The following CRISPLD1 variants were observed in gnomAD, a reference collection of about 807,000 sequenced individuals.
CRISPLD1 encodes cysteine-rich secretory protein LCCL domain-containing 1.
CRISPLD1 carries 60 observed loss-of-function variants against 77.5 expected under a neutral mutation model. The ratio of observed to expected loss-of-function variants is 0.77; its 90% confidence interval spans 0.63 to 0.96. CRISPLD1 has a LOEUF of 0.96. Ranked by LOEUF, CRISPLD1 falls within the 40% of genes least tolerant of loss-of-function variation. The pLI, the probability that CRISPLD1 is intolerant of heterozygous loss-of-function variation, is 0.00. For missense variants in CRISPLD1, 623 were observed against 615.8 expected, an observed-to-expected ratio of 1.01 and a Z score of -0.12; for synonymous variants, 195 against 200.1, an observed-to-expected ratio of 0.97 and a Z score of 0.22.
chr8:75,011,202 GC>G lies in CRISPLD1; in HGVS notation c.259-1229del. Among the ~76,000 whole-genome samples the G allele has an allele frequency of 2.7e-5, 4 of 150,220 alleles. 1 individual carries two copies. In the Middle Eastern group the frequency reaches 0.01, roughly 386 times the overall value. On this transcript the variant is annotated intron_variant, in intron 2 of 14. Coordinates refer to ENST00000262207, the MANE Select transcript of CRISPLD1 (RefSeq NM_031461.6). ...AGGTTAGTTACATATGTATACATGT[GC>G]CATGCTGGTGTGCTGCACCCATTAA...
chr8:74,986,525 A>C (rs534662919), intron 2 of CRISPLD1, among the ~76,000 whole-genome samples: 1 of 152,354 alleles, frequency 6.6e-6, no homozygotes, highest in East Asian at 1.9e-4. Context: ...AATGCAAAAC[A>C]GCTGGTATAT....
chr8:75,031,804 C>G (rs1471917985), intron 14 of CRISPLD1, among the ~76,000 whole-genome samples: 2 of 151,998 alleles, frequency 1.3e-5, no homozygotes, highest in Admixed American at 6.6e-5. Context: ...AGCTTGTAAC[C>G]GTGCATATCA....
Position 74,985,914 on chromosome 8 carries a change from A to G in CRISPLD1, c.-62-12A>G, listed in dbSNP as rs768051382. The G allele has an allele frequency of 4.0e-6, 6 of 1,482,022 alleles. No individual in the cohort carries two copies. Among genetic ancestry groups the G allele is most frequent in the Non-Finnish European group, 5.5e-6 (6 of 1,098,270 alleles). The allele number at this position is 1,482,022 out of a possible 1,614,324, so 91.8% of individuals were successfully genotyped here. ...GGAATTTTCATCTTAATCACATGAC[A>G]TGTCGTTATAGCCAAAAGGAGTGGA... On this transcript the variant is annotated splice_polypyrimidine_tract_variant and intron_variant, in intron 1 of 14. Coordinates refer to ENST00000262207, the MANE Select transcript of CRISPLD1 (RefSeq NM_031461.6).
At chr8:75,000,641 CAG>C (rs1812723970) in intron 2 of CRISPLD1, among the ~76,000 whole-genome samples, 1 of 152,126 alleles carries the variant, frequency 6.6e-6, no homozygotes, top group African/African-American at 2.4e-5. Flanking sequence ...ACCCTCCATA[CAG>C]AGTTAGGTGC....
chr8:74,995,635 C>CAGCT (rs1812635898), intron 2 of CRISPLD1, among the ~76,000 whole-genome samples: 1 of 152,080 alleles, frequency 6.6e-6, no homozygotes, highest in South Asian at 2.1e-4. Context: ...CCACTAGGCC[C>CAGCT]AGCTAATACA....
chr8:75,011,225 T>A (rs1428010107), intron 2 of CRISPLD1, among the ~76,000 whole-genome samples: 2 of 150,760 alleles, frequency 1.3e-5, no homozygotes, highest in African/African-American at 4.9e-5. Context: ...GCTGCACCCA[T>A]TAACTCGTCA....
intron 2 of CRISPLD1, among the ~76,000 whole-genome samples, chr8:74,986,952 T>G (rs1280788412): frequency 6.6e-6 from 1 of 152,196 alleles, no homozygotes; most frequent in Non-Finnish European, 1.5e-5. Context: ...TTTCATACCC[T>G]AAACATTTAG....
chr8:74,998,684 T>TAAAA (rs1309940179), intron 2 of CRISPLD1, among the ~76,000 whole-genome samples: 2 of 29,098 alleles, frequency 6.9e-5, no homozygotes, highest in East Asian at 8.9e-4. Context: ...AGACTCCATC[T>TAAAA]CAAAAAAAAA....
chr8:74,999,048 G>A (rs1283159248), intron 2 of CRISPLD1, among the ~76,000 whole-genome samples: 1 of 152,106 alleles, frequency 6.6e-6, no homozygotes, highest in Non-Finnish European at 1.5e-5. Context: ...GGTTGTACAG[G>A]AATCTAAATA....
intron 2 of CRISPLD1, among the ~76,000 whole-genome samples, chr8:74,992,909 T>G (rs1193501051): frequency 1.7e-4 from 24 of 140,076 alleles, no homozygotes; most frequent in Admixed American, 2.1e-4. Context: ...ATTATGGTTT[T>G]TTTTTTTTTT....
At chr8:75,027,289 A>G (rs1813250954) in intron 13 of CRISPLD1, among the ~76,000 whole-genome samples, 1 of 152,236 alleles carries the variant, frequency 6.6e-6, no homozygotes, top group South Asian at 2.1e-4. Context: ...TACGTCAGGT[A>G]TTAACCAAGT....
At chr8:75,001,104 AAAATAT>A (rs1812733141) in intron 2 of CRISPLD1, among the ~76,000 whole-genome samples, 1 of 152,226 alleles carries the variant, frequency 6.6e-6, no homozygotes, top group Non-Finnish European at 1.5e-5. Context: ...AAACATAATA[AAAATAT>A]AAAGTCATGT....
At chr8:74,991,108 T>G (rs2128780886) in intron 2 of CRISPLD1, among the ~76,000 whole-genome samples, 1 of 152,162 alleles carries the variant, frequency 6.6e-6, no homozygotes, top group East Asian at 1.9e-4. Context: ...TTCTCCTGCC[T>G]TAGCCTCCCA....
chr8:75,007,412 G>C (rs1020941407), intron 2 of CRISPLD1, among the ~76,000 whole-genome samples: 1 of 149,620 alleles, frequency 6.7e-6, no homozygotes, highest in Admixed American at 6.6e-5. Flanking sequence ...ACTCTTATTC[G>C]AGCACCATAG....
Position 74,985,959 on chromosome 8 carries a change from T to A in CRISPLD1, c.-29T>A. On this transcript the variant is annotated 5_prime_UTR_variant, in exon 2 of 15. Coordinates refer to ENST00000262207, the MANE Select transcript of CRISPLD1 (RefSeq NM_031461.6). ...AGTGGAAGAGCCTGTCTTGGAGATT[T>A]TCCTGGGGAAATCCTGAGGTCATTC... 6.3e-7 allele frequency: 1 copy of A among 1,593,826 alleles called. No individual in the cohort carries two copies. The highest frequency in any genetic ancestry group is 8.6e-7 in the Non-Finnish European group (1 of 1,166,062).
At position 75,033,919 on chromosome 8, in the gene CRISPLD1, T is replaced by C. The variant is rs568920093; in HGVS notation, c.*1677T>C. 6.6e-6 allele frequency: 1 copy of C among 152,170 alleles called. No individual in the cohort carries two copies. Among genetic ancestry groups the C allele is most frequent in the African/African-American group, 2.4e-5 (1 of 41,576 alleles). The allele number at this position is 152,170 out of a possible 1,614,324, so 9.4% of individuals were successfully genotyped here. A position where few individuals can be genotyped will look rare whatever the true frequency, so the allele number is the denominator to read the frequency against. On this transcript the variant is annotated 3_prime_UTR_variant, in exon 15 of 15. Coordinates refer to ENST00000262207, the MANE Select transcript of CRISPLD1 (RefSeq NM_031461.6). ...TACATGACCACCTTCTTAAATAGTA[T>C]GACTTTACATAGACTCTTTTTCTGG... is the stretch of plus-strand genomic sequence containing the variant.
chr8:75,017,112 T>A lies in CRISPLD1; in HGVS notation c.995T>A (p.Met332Lys). ...GTTATTGGCAGTGTACATTATGAAA[T>A]GGTAAGTGTTATAAATGTAATTATT... is the stretch of plus-strand genomic sequence containing the variant. ...AKVIGSVHYE[M>K]QSSICRAAIH... The change falls in exon 9 of 15, where the codon ATG becomes AAG. Residue 332 changes from methionine to lysine, a missense_variant and splice_region_variant. Met to Lys is a moderately conservative substitution (Grantham distance 95, BLOSUM62 -1). Coordinates refer to ENST00000262207, the MANE Select transcript of CRISPLD1 (RefSeq NM_031461.6). The A allele has an allele frequency of 1.2e-6, 2 of 1,607,970 alleles. No individual in the cohort carries two copies. The highest frequency in any genetic ancestry group is 1.7e-6 in the Non-Finnish European group (2 of 1,175,156).
Position 75,014,900 on chromosome 8 carries a change from C to G in CRISPLD1, c.715C>G (p.Leu239Val), listed in dbSNP as rs1813001424. Residue 239 changes from leucine to valine, a missense_variant, in exon 6 of 15, where the codon CTG becomes GTG. Transcript: ENST00000262207. ...TTTTGGAGGGGGCTGTAGAGAAAATCTGTGCTACAAAGGTAAGTGCTATTG... is the reference window on the plus strand; with the variant it reads ...TTTTGGAGGGGGCTGTAGAGAAAATGTGTGCTACAAAGGTAAGTGCTATTG... ...PSFGGGCREN[L>V]CYKEGSDRYY... 6.4e-7 allele frequency: 1 copy of G among 1,570,380 alleles called. No individual in the cohort carries two copies. The highest frequency in any genetic ancestry group is 1.4e-5 in the African/African-American group (1 of 71,172).
At chr8:75,009,574 G>A (rs1452445339) in intron 2 of CRISPLD1, among the ~76,000 whole-genome samples, 1 of 148,102 alleles carries the variant, frequency 6.8e-6, no homozygotes, top group African/African-American at 2.6e-5. Context: ...TTGAATATGA[G>A]ATTGATATAT....
Sources: gnomAD v4.1 joint callset for allele counts (sites outside exome capture counted in the v4.1 genomes callset) on GRCh38, gnomAD v4.1.1 for gene constraint, MANE v1.5 for transcripts, NCBI Gene and HGNC (gene_info 2026-07-23, HGNC 2026-07-21) for gene names.